CEMIP: variants seen among roughly 807,000 people sequenced by gnomAD.
CEMIP encodes cell migration-inducing and hyaluronan-binding protein.
In CEMIP, 105 loss-of-function variants were observed where a neutral mutation model predicts 156.9. The observed-to-expected ratio is 0.67, with a 90% CI of 0.57 to 0.79. The LOEUF (loss-of-function observed/expected upper bound fraction) is 0.79. CEMIP is among the 30% of genes least tolerant of loss of function. The probability of loss-of-function intolerance (pLI) is 0.00; values close to 1 mark genes in which losing one functional copy is unlikely to be tolerated. For synonymous variants in CEMIP, 676 were observed against 668.4 expected, an observed-to-expected ratio of 1.01 and a Z score of -0.17; for missense variants, 1,457 against 1,769.4, an observed-to-expected ratio of 0.82 and a Z score of 3.17.
chr15:80,949,084 G>A lies in CEMIP; in HGVS notation c.*160G>A, dbSNP rs1305139863. Reference sequence around the variant, plus strand: ...CCAAGGGAAGGCTATCAGAGACCCTGGTGCTGCCACCTGCCCCTACTCAAG... The same window carrying A: ...CCAAGGGAAGGCTATCAGAGACCCTAGTGCTGCCACCTGCCCCTACTCAAG... On this transcript the variant is annotated 3_prime_UTR_variant, in exon 30 of 30. Transcript: ENST00000394685. The A allele has an allele frequency of 1.8e-5, 17 of 941,132 alleles. No homozygotes were observed. The South Asian group carries it at 2.0e-4, about 11-fold the overall frequency. The allele number at this position is 941,132 out of a possible 1,614,324, so 58.3% of individuals were successfully genotyped here.
At position 80,906,902 on chromosome 15, in the gene CEMIP, A is replaced by G. The variant is rs1899831292; in HGVS notation, c.1587+64A>G. On this transcript the variant is annotated intron_variant, in intron 13 of 29. Transcript: ENST00000394685. The surrounding 1 kb of genome is among the most constrained non-coding windows in gnomAD (Gnocchi z 4.3). ...GAGAGTTCCTATGATGTCAGCCTCT[A>G]GACGGGCCTTCTTGGTAGGGATGAG... 1 of 1,527,716 alleles carries G rather than the reference A, an allele frequency of 6.5e-7. No individual in the cohort carries two copies. Among genetic ancestry groups the G allele is most frequent in the African/African-American group, 1.4e-5 (1 of 72,970 alleles). The allele number at this position is 1,527,716 out of a possible 1,614,324, so 94.6% of individuals were successfully genotyped here.
intron 21 of CEMIP, among the ~76,000 whole-genome samples, 192 bp downstream of exon 21, chr15:80,929,366 T>G (rs927586917): frequency 6.6e-6 from 1 of 152,164 alleles, no homozygotes; most frequent in African/African-American, 2.4e-5. Context: ...AGTCAAAAAG[T>G]GGTGTTGAAT....
In CEMIP at chr15:80,943,064, A is replaced by T; in HGVS notation, c.3819A>T (p.Pro1273=). 2 of 1,614,208 alleles carry T rather than the reference A, an allele frequency of 1.2e-6. No individual in the cohort carries two copies. ...SFRNSILQGI[P]WQLFNYVATI... is the part of the protein sequence containing the mutation. ...GGAACTCCATTCTGCAAGGCATACCATGGCAGCTTTTCAACTATGTGGCGA... is the reference window on the plus strand; with the variant it reads ...GGAACTCCATTCTGCAAGGCATACCTTGGCAGCTTTTCAACTATGTGGCGA... The change falls in exon 28 of 30, where the codon CCA becomes CCT. Residue 1273 remains proline (P), a synonymous_variant. Coordinates refer to ENST00000394685, the MANE Select transcript of CEMIP (RefSeq NM_001293298.2).
intron 1 of CEMIP, among the ~76,000 whole-genome samples, chr15:80,833,021 C>T (rs770292784): frequency 1.3e-5 from 2 of 152,056 alleles, no homozygotes; most frequent in African/African-American, 2.4e-5. Context: ...GAGAGAGAGA[C>T]CCCAGTGGAA....
intron 28 of CEMIP, among the ~76,000 whole-genome samples, chr15:80,944,275 G>A (rs1469377881): frequency 1.3e-5 from 2 of 152,068 alleles, no homozygotes; most frequent in Non-Finnish European, 2.9e-5. Flanking sequence ...GCAAGACTCC[G>A]TCTCAAAAAA....
Position 80,929,165 on chromosome 15 carries a change from C to G in CEMIP, c.2603C>G (p.Pro868Arg), listed in dbSNP as rs539055414. 3 of 1,614,200 alleles carry G rather than the reference C, an allele frequency of 1.9e-6. No homozygotes were observed. The East Asian group carries it at 6.7e-5, about 36-fold the overall frequency. ...TTGGACCATAGCGGAAGGACCCTCC[C>G]TATAGGCCAGTAGGTTTGCAACCAT... The part of the protein sequence containing the change: ...GGLDHSGRTL[P>R]IGQNFPIRGI... Residue 868 changes from proline to arginine, a missense_variant, in exon 21 of 30, where the codon CCT becomes CGT. Physicochemically the swap from Pro to Arg is moderately radical, Grantham distance 103 (BLOSUM62 -2). Transcript: ENST00000394685.
In CEMIP at chr15:80,836,767, A is replaced by G. The variant is rs545865080; in HGVS notation, c.-175-36771A>G. 1.6e-4 allele frequency among the ~76,000 whole-genome samples: 24 copies of G among 152,086 alleles called. No homozygotes were observed. The East Asian group carries it at 4.5e-3, about 28-fold the overall frequency. ...GTCTGGTGTCAGCTTCCACGCCCAG[A>G]TTTTAATTTTTTTATCCAACAGGGC... On this transcript the variant is annotated intron_variant, in intron 1 of 29. Coordinates refer to ENST00000394685, the MANE Select transcript of CEMIP (RefSeq NM_001293298.2).
chr15:80,828,659 C>T (rs1020496977), intron 1 of CEMIP, among the ~76,000 whole-genome samples: 6 of 152,164 alleles, frequency 3.9e-5, no homozygotes, highest in Non-Finnish European at 8.8e-5. Context: ...ATGAATTTCA[C>T]ACATGGAGTT....
chr15:80,941,023 G>T (rs1901314900), intron 25 of CEMIP, among the ~76,000 whole-genome samples: 1 of 152,186 alleles, frequency 6.6e-6, no homozygotes, highest in African/African-American at 2.4e-5. Context: ...CTTGGTTACT[G>T]GTTGGCCAAT....
chr15:80,948,712 G>A (rs1901676135), intron 29 of CEMIP, 85 bp from the exon 30 acceptor site: 3 of 1,580,454 alleles, frequency 1.9e-6, no homozygotes, highest in Non-Finnish European at 2.6e-6. Context: ...GGCGTGGGGG[G>A]CTGGCGATGG....
At chr15:80,940,527 C>T (rs993820244) in intron 25 of CEMIP, among the ~76,000 whole-genome samples, 1 of 152,180 alleles carries the variant, frequency 6.6e-6, no homozygotes, top group Non-Finnish European at 1.5e-5. Flanking sequence ...CCTGCCTCCC[C>T]AGCTTCCCCA....
At chr15:80,783,759 C>T (rs749302119) in intron 1 of CEMIP, among the ~76,000 whole-genome samples, 2 of 152,216 alleles carry the variant, frequency 1.3e-5, no homozygotes, top group Non-Finnish European at 2.9e-5. Context: ...GCCCCTAGTC[C>T]TTCTTTTTCT....
intron 1 of CEMIP, among the ~76,000 whole-genome samples, chr15:80,818,670 G>T (rs1896844899): frequency 6.6e-6 from 1 of 152,324 alleles, no homozygotes; most frequent in Admixed American, 6.5e-5. Context: ...CCACTTACTA[G>T]CTACTGCAGA....
intron 24 of CEMIP, among the ~76,000 whole-genome samples, chr15:80,937,299 G>A (rs1487835772): frequency 2.0e-5 from 3 of 152,216 alleles, no homozygotes; most frequent in Non-Finnish European, 2.9e-5. Context: ...AAAGTGTTGA[G>A]GCCGAGGGCA....
rs1429652443 is a variant in CEMIP at position 80,950,055 on chromosome 15, C to T, written c.*1131C>T. 6.6e-6 allele frequency: 1 copy of T among 152,416 alleles called. No individual in the cohort carries two copies. Among genetic ancestry groups the T allele is most frequent in the African/African-American group, 2.4e-5 (1 of 41,456 alleles). The allele number at this position is 152,416 out of a possible 1,614,324, so 9.4% of individuals were successfully genotyped here. Reference sequence around the variant, plus strand: ...CCCCAGGCAGCCCTGCCTCTGACTCCAAGAGGGTGAAGTCCACAGAAGTGA... The same window carrying T: ...CCCCAGGCAGCCCTGCCTCTGACTCTAAGAGGGTGAAGTCCACAGAAGTGA... On this transcript the variant is annotated 3_prime_UTR_variant, in exon 30 of 30. Transcript: ENST00000394685.
chr15:80,790,904 C>T (rs1896064599), intron 1 of CEMIP, among the ~76,000 whole-genome samples: 1 of 152,138 alleles, frequency 6.6e-6, no homozygotes. Context: ...CATTCAACTA[C>T]CTACAATCCA....
intron 11 of CEMIP, 76 bp from the exon 12 acceptor site, chr15:80,895,793 A>G (rs1440876761): frequency 4.5e-6 from 6 of 1,346,852 alleles, no homozygotes; most frequent in Non-Finnish European, 6.4e-6. Flanking sequence ...TAGGGAGGGG[A>G]AGGGAAAAAA....
chr15:80,857,127 G>A (rs1169717454), intron 1 of CEMIP, among the ~76,000 whole-genome samples: 1 of 152,234 alleles, frequency 6.6e-6, no homozygotes, highest in African/African-American at 2.4e-5. Flanking sequence ...CACTCTGGCT[G>A]GGCAGAGGGA....
intron 1 of CEMIP, among the ~76,000 whole-genome samples, chr15:80,859,312 CTCCTCAT>C (rs1897928649): frequency 2.0e-5 from 3 of 152,346 alleles, no homozygotes; most frequent in African/African-American, 7.2e-5. Context: ...CCTCTGTGGG[CTCCTCAT>C]TCATTTTGAA....
Sources: gnomAD v4.1 joint callset for allele counts (sites outside exome capture counted in the v4.1 genomes callset) on GRCh38, gnomAD v4.1.1 for gene constraint, Gnocchi (gnomAD v3.1) non-coding constraint, MANE v1.5 for transcripts, NCBI Gene and HGNC (gene_info 2026-07-23, HGNC 2026-07-21) for gene names.